The following ZNF782 variants were observed in gnomAD, a reference collection of about 807,000 sequenced individuals.
The protein encoded by ZNF782 is zinc finger protein 782.
A neutral mutation model predicts 13.0 loss-of-function variants in ZNF782; 12 were observed. The observed-to-expected ratio is 0.92, with a 90% CI of 0.59 to 1.50. ZNF782 has a LOEUF of 1.50. Among genes scored for constraint, ZNF782 ranks in the 40% most tolerant of loss-of-function variants. The pLI is 0.00. For synonymous variants in ZNF782, 284 were observed against 283.0 expected (o/e 1.00, Z -0.04); for missense variants, 770 against 822.9 (o/e 0.94, Z 0.79).
chr9:96,880,089 G>T (rs1259429531), upstream of ZNF782, among the ~76,000 whole-genome samples: 1 of 151,240 alleles, frequency 6.6e-6, no homozygotes, highest in African/African-American at 2.4e-5. Context: ...GTTTCCAATT[G>T]TTTTTGGCTA....
At chr9:96,868,151 T>C (rs1851781444) in intron 1 of ZNF782, among the ~76,000 whole-genome samples, 1 of 152,252 alleles carries the variant, frequency 6.6e-6, no homozygotes, top group African/African-American at 2.4e-5. Flanking sequence ...AAGATTTACT[T>C]ATGTGCATTT....
At chr9:96,882,937 C>T in the ZNF782 span, among the ~76,000 whole-genome samples, 2 of 151,820 alleles carry the variant, frequency 1.3e-5, no homozygotes, top group African/African-American at 4.8e-5. Context: ...TTTGGATAAT[C>T]CATGAAAACT....
rs1013012387 is a variant in ZNF782, at chr9:96,842,497, A to G, written c.142+2393T>C. 5.3e-5 allele frequency among the ~76,000 whole-genome samples: 8 copies of G among 152,188 alleles called. No individual in the cohort carries two copies. In the Middle Eastern group the frequency reaches 0.01, roughly 194 times the overall value. ...AATGAAGGGTAATGGTGTTGCATGG[A>G]GCAAATGGATATCCATAGGCAAAAA... On this transcript the variant is annotated intron_variant, in intron 4 of 5. Coordinates refer to ENST00000481138, the MANE Select transcript of ZNF782 (RefSeq NM_001001662.3).
intron 4 of ZNF782, among the ~76,000 whole-genome samples, chr9:96,832,795 A>G (rs569006474): frequency 1.3e-5 from 2 of 152,128 alleles, no homozygotes; most frequent in Non-Finnish European, 2.9e-5. Flanking sequence ...GCTTCTTGGC[A>G]TGAATTCCTT....
At chr9:96,873,631 C>T (rs1288241393) in intron 1 of ZNF782, among the ~76,000 whole-genome samples, 1 of 152,240 alleles carries the variant, frequency 6.6e-6, no homozygotes, top group Non-Finnish European at 1.5e-5. Flanking sequence ...GCCTGGGAGG[C>T]AGACGTTGCA....
intron 3 of ZNF782, among the ~76,000 whole-genome samples, chr9:96,847,138 G>T (rs1198429093): frequency 1.3e-5 from 2 of 151,938 alleles, no homozygotes. Context: ...TTCAATGAAT[G>T]ATAATTACAC....
chr9:96,835,103 T>C (rs28844439), intron 4 of ZNF782, among the ~76,000 whole-genome samples: 20,163 of 152,200 alleles, frequency 0.13, 3,243 homozygotes, highest in African/African-American at 0.38. Context: ...AAGGTGGCTG[T>C]ATTGTCTCCA....
chr9:96,818,033 G>A lies in ZNF782; in HGVS notation c.1990C>T (p.His664Tyr), dbSNP rs145951457. ...AFSQKSNLRV[H>Y]QRTHTGEKPY... The stretch of plus-strand genomic sequence containing the variant: ...TTCTCCCCTGTGTGAGTTCTCTGAT[G>A]TACTCTGAGATTGGATTTCTGACTG... Residue 664 changes from histidine (H) to tyrosine (Y), a missense_variant, in exon 6 of 6, where the codon CAT becomes TAT. Transcript: ENST00000481138. 2.5e-6 allele frequency: 4 copies of A among 1,613,972 alleles called. No individual in the cohort carries two copies. The highest frequency in any genetic ancestry group is 3.4e-6 in the Non-Finnish European group (4 of 1,179,914).
At chr9:96,828,478 C>T (rs931052870) in intron 4 of ZNF782, among the ~76,000 whole-genome samples, 12 of 152,160 alleles carry the variant, frequency 7.9e-5, no homozygotes, top group Non-Finnish European at 1.6e-4. Context: ...TAGGTATGAA[C>T]AGAAGCAGTG....
the ZNF782 span, chr9:96,892,650 G>A: frequency 6.6e-6 from 1 of 151,952 alleles, no homozygotes; most frequent in East Asian, 1.9e-4. Flanking sequence ...TCCTTTATGA[G>A]TTCTTTAATT....
At chr9:96,842,831 A>G (rs1388726740) in intron 4 of ZNF782, among the ~76,000 whole-genome samples, 1 of 152,116 alleles carries the variant, frequency 6.6e-6, no homozygotes, top group Non-Finnish European at 1.5e-5. Flanking sequence ...TAGACTATCT[A>G]AATTCTCAAA....
chr9:96,859,392 G>T (rs1851679434), upstream of ZNF782, among the ~76,000 whole-genome samples: 1 of 152,122 alleles, frequency 6.6e-6, no homozygotes, highest in Non-Finnish European at 1.5e-5. Context: ...GAGGAGAGGA[G>T]AGAGGAGAGG....
chr9:96,824,426 T>C (rs1230154811), intron 5 of ZNF782, among the ~76,000 whole-genome samples: 2 of 149,476 alleles, frequency 1.3e-5, no homozygotes, highest in Non-Finnish European at 3.0e-5. Flanking sequence ...GAGCTATCTA[T>C]GACAAACCCA....
intron 4 of ZNF782, among the ~76,000 whole-genome samples, chr9:96,834,154 G>T (rs1850906491): frequency 6.6e-6 from 1 of 152,190 alleles, no homozygotes; most frequent in Non-Finnish European, 1.5e-5. Context: ...TTGAATTGTA[G>T]TTCCCATAAT....
Position 96,829,480 on chromosome 9 carries a change from C to T in ZNF782, c.143-2299G>A, listed in dbSNP as rs182839137. On this transcript the variant is annotated intron_variant, in intron 4 of 5. Transcript: ENST00000481138. ...CTACTTCAAAATACATAAAGCAAAT[C>T]CTGATGAAACTGGAAGAATAACCAA... 3.3e-5 allele frequency among the ~76,000 whole-genome samples: 5 copies of T among 152,178 alleles called. No individual in the cohort carries two copies. The East Asian group carries it at 9.7e-4, about 29-fold the overall frequency.
the ZNF782 span, among the ~76,000 whole-genome samples, chr9:96,899,349 C>T: frequency 6.6e-6 from 1 of 151,812 alleles, no homozygotes; most frequent in African/African-American, 2.4e-5. Context: ...AATATCTTTT[C>T]ATGTGCTTGT....
Position 96,818,014 on chromosome 9 carries a change from CCT to C in ZNF782, c.2007_2008del (p.Lys672ThrfsTer3), listed in dbSNP as rs561032098. 265 of 1,613,984 alleles carry C rather than the reference CCT, an allele frequency of 1.6e-4. 1 individual carries two copies. In the East Asian group the frequency reaches 4.1e-3, roughly 25 times the overall value. On this transcript the variant is annotated frameshift_variant, in exon 6 of 6. Coordinates refer to ENST00000481138, the MANE Select transcript of ZNF782 (RefSeq NM_001001662.3). LOFTEE classifies it low-confidence loss of function (END_TRUNC). ...TTTATCACATTTATAGGGTTTCTCC[CCT>C]GTGTGAGTTCTCTGATGTACTCTGA... is the stretch of plus-strand genomic sequence containing the variant.
At chr9:96,922,230 T>C in the ZNF782 span, among the ~76,000 whole-genome samples, 10 of 151,856 alleles carry the variant, frequency 6.6e-5, no homozygotes, top group South Asian at 2.1e-3. Flanking sequence ...TGTTACATCA[T>C]TTTGTGGAGG....
intron 3 of ZNF782, among the ~76,000 whole-genome samples, chr9:96,851,229 T>C (rs956290085): frequency 1.3e-5 from 2 of 152,224 alleles, no homozygotes; most frequent in Admixed American, 1.3e-4. Flanking sequence ...CAATTTTCTA[T>C]GAAAATGTAA....
Sources: allele counts gnomAD v4.1 joint callset (sites outside exome capture counted in the v4.1 genomes callset), GRCh38; gene constraint gnomAD v4.1.1; transcripts MANE v1.5; gene names NCBI Gene and HGNC (gene_info 2026-07-23, HGNC 2026-07-21).